Variants in COL26A1 observed in about 807,000 individuals in gnomAD.
COL26A1 encodes collagen type XXVI alpha 1 chain.
In COL26A1, 41 loss-of-function variants were observed where a neutral mutation model predicts 59.3. The observed-to-expected ratio is 0.69, with a 90% CI of 0.54 to 0.90. The LOEUF (loss-of-function observed/expected upper bound fraction) is 0.90, where lower values mean the gene tolerates loss of function less well. Among genes scored for constraint, COL26A1 ranks in the 40% least tolerant of loss-of-function variants. COL26A1 has a pLI of 0.00. For synonymous variants in COL26A1, 266 were observed against 256.0 expected (o/e 1.04, Z -0.37); for missense variants, 612 against 602.3 (o/e 1.02, Z -0.17).
intron 2 of COL26A1, among the ~76,000 whole-genome samples, chr7:101,445,457 C>T (rs1220630456): frequency 4.6e-5 from 7 of 151,420 alleles, no homozygotes; most frequent in African/African-American, 9.7e-5. Flanking sequence ...GGGGGCCGGG[C>T]GCGGTGGCTC....
intron 1 of COL26A1, among the ~76,000 whole-genome samples, chr7:101,404,373 T>C (rs1792079366): frequency 6.6e-6 from 1 of 152,272 alleles, no homozygotes; most frequent in South Asian, 2.1e-4. Context: ...CAAAACATAC[T>C]ATCAAGGCGT....
intron 3 of COL26A1, among the ~76,000 whole-genome samples, chr7:101,489,663 TCCTTCCTTCCTTCCTTC>T (rs1437910392): frequency 5.8e-5 from 3 of 51,740 alleles, no homozygotes; most frequent in South Asian, 5.6e-4. Flanking sequence ...CTTTCTTTCT[TCCTTCCTTCCTTCCTTC>T]CTTTCTTTCT....
intron 2 of COL26A1, among the ~76,000 whole-genome samples, chr7:101,441,796 C>T (rs1793064342): frequency 6.6e-6 from 1 of 152,146 alleles, no homozygotes; most frequent in South Asian, 2.1e-4. Flanking sequence ...CTCCTGATGA[C>T]AGTGGGGACG....
chr7:101,502,455 C>T (rs1794725384), intron 3 of COL26A1, among the ~76,000 whole-genome samples: 1 of 152,222 alleles, frequency 6.6e-6, no homozygotes, highest in African/African-American at 2.4e-5. Context: ...GCCCAATCCC[C>T]TCTTGTTCTA....
chr7:101,453,937 G>A (rs1793404470), intron 3 of COL26A1, among the ~76,000 whole-genome samples: 1 of 152,014 alleles, frequency 6.6e-6, no homozygotes, highest in Admixed American at 6.6e-5. Flanking sequence ...GGTTCAGTGG[G>A]GTTTCCCTCC....
intron 3 of COL26A1, among the ~76,000 whole-genome samples, chr7:101,513,349 T>A (rs565231592): frequency 2.0e-5 from 3 of 151,892 alleles, no homozygotes; most frequent in Admixed American, 2.0e-4. Flanking sequence ...TATTTATTTA[T>A]TCTGAGACAG....
At chr7:101,480,857 G>A (rs947132961) in intron 3 of COL26A1, among the ~76,000 whole-genome samples, 9 of 152,002 alleles carry the variant, frequency 5.9e-5, no homozygotes, top group Non-Finnish European at 1.2e-4. Flanking sequence ...TGTTTGTTTT[G>A]TAATTTTTTA....
chr7:101,417,497 C>CTTT (rs763020003), intron 1 of COL26A1, among the ~76,000 whole-genome samples: 1,794 of 133,840 alleles, frequency 0.013, 35 homozygotes, highest in Non-Finnish European at 0.017. Flanking sequence ...TGCCTAATAT[C>CTTT]TTTTTTTTTT....
chr7:101,419,482 G>A (rs1252804523), intron 1 of COL26A1, among the ~76,000 whole-genome samples: 2 of 152,066 alleles, frequency 1.3e-5, no homozygotes, highest in African/African-American at 2.4e-5. Context: ...CTGTTACACC[G>A]CTGCTTCCCC....
In COL26A1 at chr7:101,399,819, AAAC is replaced by A. The variant is rs150783035; in HGVS notation, c.159-20153_159-20151del. 1.6e-3 allele frequency among the ~76,000 whole-genome samples: 243 copies of A among 152,330 alleles called. 3 individuals are homozygous for A. The East Asian group carries it at 0.025, about 16-fold the overall frequency. ...ATAATCTGATCACAAAATATGTTAG[AAAC>A]AACATAAGAATCATAAAGTTGTTTC... On this transcript the variant is annotated intron_variant, in intron 1 of 12. Transcript: ENST00000313669.
intron 3 of COL26A1, among the ~76,000 whole-genome samples, chr7:101,477,183 T>A (rs1176143805): frequency 6.6e-6 from 1 of 152,008 alleles, no homozygotes; most frequent in Non-Finnish European, 1.5e-5. Flanking sequence ...AAGGGGGATG[T>A]CTGTATTATA....
rs370003256 is a variant in COL26A1, at chr7:101,369,333, G to T, written c.158+6143G>T. ...GAGGCAGGAGAATTGCTTGAACCCA[G>T]GAGGTGGAGGTTGCAGTGAGCTGAG... On this transcript the variant is annotated intron_variant, in intron 1 of 12. Transcript: ENST00000313669. Among the ~76,000 whole-genome samples, 31 of 151,970 alleles carry T rather than the reference G, an allele frequency of 2.0e-4. 1 individual carries two copies. In the East Asian group the frequency reaches 2.7e-3, roughly 13 times the overall value.
At chr7:101,468,855 G>C (rs1030367618) in intron 3 of COL26A1, among the ~76,000 whole-genome samples, 3 of 152,192 alleles carry the variant, frequency 2.0e-5, no homozygotes, top group Admixed American at 2.0e-4. Context: ...TGGTGTCAGT[G>C]AGTGGCCTCC....
chr7:101,551,617 C>T (rs1044728860), intron 10 of COL26A1, among the ~76,000 whole-genome samples: 11 of 152,016 alleles, frequency 7.2e-5, no homozygotes, highest in Admixed American at 5.2e-4. Context: ...TGTGGTGGTA[C>T]GCATCTGCAG....
chr7:101,556,985 A>G (rs1317622195), intron 12 of COL26A1, among the ~76,000 whole-genome samples: 1 of 126,566 alleles, frequency 7.9e-6, no homozygotes, highest in Non-Finnish European at 1.7e-5. Context: ...AAGTGAGTGG[A>G]TGGATGGGTG....
chr7:101,524,860 T>A (rs528464603), intron 3 of COL26A1, among the ~76,000 whole-genome samples: 4 of 152,328 alleles, frequency 2.6e-5, no homozygotes, highest in African/African-American at 9.6e-5. Context: ...TGCTTTGGCC[T>A]GTGGTCCAGC....
At chr7:101,489,706 T>TTTCTTTTTCTTTCTTTCTTTCG (rs1794366082) in intron 3 of COL26A1, among the ~76,000 whole-genome samples, 2 of 104,172 alleles carry the variant, frequency 1.9e-5, no homozygotes, top group Admixed American at 1.8e-4. Flanking sequence ...TCTGTCTTTC[T>TTTCTTTTTCTTTCTTTCTTTCG]TTCTTTCATT....
chr7:101,394,440 T>C (rs1376314533), intron 1 of COL26A1, among the ~76,000 whole-genome samples: 1 of 152,144 alleles, frequency 6.6e-6, no homozygotes, highest in Non-Finnish European at 1.5e-5. Flanking sequence ...AGGGTCTTGC[T>C]GTGTTGCCCA....
intron 3 of COL26A1, among the ~76,000 whole-genome samples, chr7:101,516,397 G>A (rs914186215): frequency 2.6e-5 from 4 of 151,878 alleles, no homozygotes; most frequent in Non-Finnish European, 5.9e-5. Flanking sequence ...TCAGCCTCTC[G>A]AATAGCCGGG....
Sources: allele counts gnomAD v4.1 joint callset (sites outside exome capture counted in the v4.1 genomes callset), GRCh38; gene constraint gnomAD v4.1.1; transcripts MANE v1.5; gene names NCBI Gene and HGNC (gene_info 2026-07-23, HGNC 2026-07-21).